The following CC2D1B variants were observed in gnomAD, a reference collection of about 807,000 sequenced individuals.
CC2D1B encodes coiled-coil and C2 domain containing 1B.
Under a neutral mutation model 110.8 loss-of-function variants are expected in CC2D1B, and 92 were observed. That is an observed-to-expected ratio of 0.83 (90% confidence interval 0.70 to 0.99). The LOEUF is 0.99. Ranked by LOEUF, CC2D1B falls within the 50% of genes least tolerant of loss-of-function variation. The probability of loss-of-function intolerance (pLI) is 0.00; values close to 1 mark genes in which losing one functional copy is unlikely to be tolerated. For missense variants in CC2D1B, 1,136 were observed against 1,089.0 expected, an observed-to-expected ratio of 1.04 and a Z score of -0.61; for synonymous variants, 406 against 429.2, an observed-to-expected ratio of 0.95 and a Z score of 0.67.
chr1:52,361,533 C>T lies in CC2D1B; in HGVS notation c.298G>A (p.Glu100Lys), dbSNP rs748857616. Residue 100 changes from glutamate to lysine, a missense_variant, in exon 4 of 25, where the codon GAG becomes AAG. Physicochemically the swap from Glu to Lys is moderately conservative, Grantham distance 56. Coordinates refer to ENST00000284376, the MANE Select transcript of CC2D1B (RefSeq NM_001330585.2). The part of the protein sequence containing the change: ...VEEEEEEEGL[E>K]EDAELLTELQ... The stretch of plus-strand genomic sequence containing the variant: ...CACACCAGCAGCTCTGCATCTTCCT[C>T]CAGCCCTTCCTCCTCCTCCTCCTCC... The T allele has an allele frequency of 2.5e-6, 4 of 1,614,042 alleles. No homozygotes were observed. Among genetic ancestry groups the T allele is most frequent in the Middle Eastern group, 3.3e-4 (2 of 6,062 alleles).
Position 52,357,213 on chromosome 1 carries a change from A to T in CC2D1B, c.1753-87T>A, listed in dbSNP as rs554215163. ...CAAAGGCAGGAGCCCAAACTAAGTA[A>T]TTCTTCAGCTTCTACTAAAGTCCAG... On this transcript the variant is annotated intron_variant, in intron 15 of 24. Coordinates refer to ENST00000284376, the MANE Select transcript of CC2D1B (RefSeq NM_001330585.2). The T allele has an allele frequency of 3.4e-5, 51 of 1,478,784 alleles. No individual in the cohort carries two copies. The South Asian group carries it at 5.7e-4, about 17-fold the overall frequency. The allele number at this position is 1,478,784 out of a possible 1,614,324, so 91.6% of individuals were successfully genotyped here.
rs745898780 is a variant in CC2D1B, at chr1:52,359,492, C to T, written c.985G>A (p.Val329Met). The T allele has an allele frequency of 7.4e-6, 12 of 1,614,130 alleles. No individual in the cohort carries two copies. The highest frequency in any genetic ancestry group is 1.7e-4 in the Middle Eastern group (1 of 6,058). The part of the protein sequence containing the change: ...VLEALEKGQP[V>M]DLSAMPPAPE... Reference sequence around the variant, plus strand: ...GCCGGGGGCATGGCACTCAGATCCACGGGCTGCCCCTTCTCCAGGGCCTCC... The same window carrying T: ...GCCGGGGGCATGGCACTCAGATCCATGGGCTGCCCCTTCTCCAGGGCCTCC... Residue 329 changes from valine (V) to methionine (M), a missense_variant, in exon 9 of 25, where the codon GTG (valine) becomes ATG (methionine). Transcript: ENST00000284376.
intron 18 of CC2D1B, 45 bp from the exon 19 acceptor site, chr1:52,355,889 G>T (rs1209685661): frequency 1.3e-6 from 2 of 1,591,962 alleles, no homozygotes; most frequent in South Asian, 2.2e-5. Flanking sequence ...GTGAAGGACA[G>T]TAGTGGAACA....
Position 52,356,313 on chromosome 1 carries a change from T to A in CC2D1B, c.1938-11A>T. 6.2e-7 allele frequency: 1 copy of A among 1,613,822 alleles called. No individual in the cohort carries two copies. The highest frequency in any genetic ancestry group is 1.1e-5 in the South Asian group (1 of 91,080). The stretch of plus-strand genomic sequence containing the variant: ...GCAAGCTTCTCAAATCTGACAGGGA[T>A]GGGTATGTCAGCATGATGGTGGATT... On this transcript the variant is annotated splice_polypyrimidine_tract_variant and intron_variant, in intron 17 of 24. Coordinates refer to ENST00000284376, the MANE Select transcript of CC2D1B (RefSeq NM_001330585.2).
At chr1:52,357,184 C>A in intron 15 of CC2D1B, 58 bp from the exon 16 acceptor site, 1 of 1,593,454 alleles carries the variant, frequency 6.3e-7, no homozygotes, top group Non-Finnish European at 8.5e-7. Flanking sequence ...TCTACCAAGT[C>A]CAACAAAGGC....
At chr1:52,362,903 T>G (rs1427956323) in intron 2 of CC2D1B, among the ~76,000 whole-genome samples, 157 bp from the exon 3 acceptor site, 1 of 152,076 alleles carries the variant, frequency 6.6e-6, no homozygotes, top group East Asian at 1.9e-4. Flanking sequence ...CATTACTCCT[T>G]GAGACACTTA....
chr1:52,358,353 G>A lies in CC2D1B; in HGVS notation c.1439C>T (p.Pro480Leu), dbSNP rs554593851. 2.9e-5 allele frequency: 47 copies of A among 1,614,078 alleles called. No individual in the cohort carries two copies. Among genetic ancestry groups the A allele is most frequent in the Admixed American group, 1.0e-4 (6 of 60,004 alleles). The change falls in exon 13 of 25, where the codon CCG becomes CTG. Residue 480 changes from proline to leucine, a missense_variant. Coordinates refer to ENST00000284376, the MANE Select transcript of CC2D1B (RefSeq NM_001330585.2). ...AACCTCGTCCTCGTCTTTATCAGCC[G>A]GGGCTGAATCCTCTGCAGAGGCCAG... Reference protein sequence around the residue: ...EKLASAEDSAPADKDEDEGEP... With the variant: ...EKLASAEDSALADKDEDEGEP...
chr1:52,357,031 C>T lies in CC2D1B; in HGVS notation c.1848G>A (p.Gln616=), dbSNP rs2147891392. 1 of 1,576,054 alleles carries T rather than the reference C, an allele frequency of 6.3e-7. No individual in the cohort carries two copies. The highest frequency in any genetic ancestry group is 8.6e-7 in the Non-Finnish European group (1 of 1,160,310). Residue 616 remains glutamine, a synonymous_variant, in exon 16 of 25, where the codon CAG becomes CAA. Transcript: ENST00000284376. ...LSQKAEEVYA[Q]LQKMLLEQQE... is the part of the protein sequence containing the mutation. ...GTTGCTCCAGAAGCATTTTTTGCAG[C>T]TGGGCATACACCTCCTCCGCCTTCT...
intron 12 of CC2D1B, 39 bp from the exon 13 acceptor site, chr1:52,358,500 C>T (rs368716130): frequency 6.2e-7 from 1 of 1,611,276 alleles, no homozygotes; most frequent in African/African-American, 1.3e-5. Flanking sequence ...CAGGGAGCAG[C>T]CTCAGAGAAG....
In CC2D1B at chr1:52,356,196, G is replaced by T; in HGVS notation, c.2044C>A (p.Gln682Lys). ...CCTAGGCCTTGGTACCTCACAGTCT[G>T]GAATGTCTTCAACTCAAAGTGGTGG... is the stretch of plus-strand genomic sequence containing the variant. ...PTHHFELKTF[Q>K]TVRIFSELNS... The change falls in exon 18 of 25, where the codon CAG becomes AAG. Residue 682 changes from glutamine to lysine, a missense_variant. By Grantham distance (53) the Gln-to-Lys change is moderately conservative. Coordinates refer to ENST00000284376, the MANE Select transcript of CC2D1B (RefSeq NM_001330585.2). 1 of 1,612,130 alleles carries T rather than the reference G, an allele frequency of 6.2e-7. No individual in the cohort carries two copies. The highest frequency in any genetic ancestry group is 8.5e-7 in the Non-Finnish European group (1 of 1,178,196).
Position 52,357,079 on chromosome 1 carries a change from G to A in CC2D1B, c.1800C>T (p.His600=). The A allele has an allele frequency of 1.9e-6, 3 of 1,612,512 alleles. No individual in the cohort carries two copies. The highest frequency in any genetic ancestry group is 1.1e-5 in the South Asian group (1 of 90,740). ...TCTGGGAGAGTCGCAGGTCCTCATG[G>A]TGGATGAGGATGAAGTCACCCTCCT... The part of the protein sequence containing the change: ...TDEEGDFILI[H]HEDLRLSQKA... The change falls in exon 16 of 25, where the codon CAC becomes CAT. Residue 600 remains histidine, a synonymous_variant. Transcript: ENST00000284376.
Position 52,359,886 on chromosome 1 carries a change from A to G in CC2D1B, c.764-3T>C, listed in dbSNP as rs751930740. On this transcript the variant is annotated splice_region_variant and splice_polypyrimidine_tract_variant and intron_variant, in intron 7 of 24. Coordinates refer to ENST00000284376, the MANE Select transcript of CC2D1B (RefSeq NM_001330585.2). ...GGTCTCAGGTTGGGAGGGGTTGTCT[A>G]TAAGGAAACAAACAGTCCCCAGAGA... 53 of 1,609,550 alleles carry G rather than the reference A, an allele frequency of 3.3e-5. No homozygotes were observed. In the East Asian group the frequency reaches 9.6e-4, roughly 29 times the overall value.
chr1:52,354,437 C>T (rs753058125), intron 23 of CC2D1B, 171 bp downstream of exon 23: 22 of 726,332 alleles, frequency 3.0e-5, no homozygotes, highest in Admixed American at 7.9e-5. Flanking sequence ...ATTTCTCAGA[C>T]CTTCTGAACC....
In CC2D1B at chr1:52,358,457, A is replaced by T. The variant is rs61733780; in HGVS notation, c.1335T>A (p.Phe445Leu). The change falls in exon 13 of 25, where the codon TTT becomes TTA. Residue 445 changes from phenylalanine (F) to leucine (L), a missense_variant. Transcript: ENST00000284376. ...TGGACTCCAGGCCAGGGATGGGGGG[A>T]AATCCTGTGGGAGAGAGACAGCATG... Reference protein sequence around the residue: ...NFAELPVPPGFPPIPGLESTM... With the variant: ...NFAELPVPPGLPPIPGLESTM... The T allele has an allele frequency of 3.7e-6, 6 of 1,613,364 alleles. No homozygotes were observed. The highest frequency in any genetic ancestry group is 5.1e-6 in the Non-Finnish European group (6 of 1,179,960).
intron 2 of CC2D1B, among the ~76,000 whole-genome samples, 196 bp from the exon 3 acceptor site, chr1:52,362,942 G>GT (rs1292121879): frequency 2.0e-5 from 3 of 152,170 alleles, no homozygotes; most frequent in Non-Finnish European, 4.4e-5. Context: ...AAAAAACCCA[G>GT]TAAGACCACA....
Position 52,361,540 on chromosome 1 carries a change from T to C in CC2D1B, c.291A>G (p.Glu97=). 2 of 1,608,888 alleles carry C rather than the reference T, an allele frequency of 1.2e-6. No homozygotes were observed. The highest frequency in any genetic ancestry group is 2.2e-5 in the South Asian group (2 of 90,658). Residue 97 remains glutamate (E), a synonymous_variant, in exon 4 of 25, where the codon GAA becomes GAG. Coordinates refer to ENST00000284376, the MANE Select transcript of CC2D1B (RefSeq NM_001330585.2). Reference sequence around the variant, plus strand: ...GCAGCTCTGCATCTTCCTCCAGCCCTTCCTCCTCCTCCTCCTCCTCCACAT... The same window carrying C: ...GCAGCTCTGCATCTTCCTCCAGCCCCTCCTCCTCCTCCTCCTCCTCCACAT... ...MRDVEEEEEE[E]GLEEDAELLT...
intron 5 of CC2D1B, 107 bp downstream of exon 5, chr1:52,360,867 T>A: frequency 2.9e-6 from 4 of 1,385,556 alleles, no homozygotes; most frequent in Non-Finnish European, 4.0e-6. Flanking sequence ...TGGGGGAGGG[T>A]CCTGGAAAGG....
At chr1:52,358,280 C>T (rs758354793) in intron 13 of CC2D1B, 51 bp downstream of exon 13, 1 of 1,590,858 alleles carries the variant, frequency 6.3e-7, no homozygotes, top group Non-Finnish European at 8.6e-7. Flanking sequence ...TGGGTTTACC[C>T]CTCACCTGCT....
chr1:52,355,141 GT>G (rs1462162041), intron 21 of CC2D1B, among the ~76,000 whole-genome samples: 1 of 152,218 alleles, frequency 6.6e-6, no homozygotes, highest in Non-Finnish European at 1.5e-5. Flanking sequence ...TTGTAACAAA[GT>G]AGGAAAGACT....
Sources: gnomAD v4.1 joint callset for allele counts (sites outside exome capture counted in the v4.1 genomes callset) on GRCh38, gnomAD v4.1.1 for gene constraint, MANE v1.5 for transcripts, NCBI Gene and HGNC (gene_info 2026-07-23, HGNC 2026-07-21) for gene names.